FER: variants seen among roughly 807,000 people sequenced by gnomAD.
FER encodes tyrosine-protein kinase Fer.
Under a neutral mutation model 111.0 loss-of-function variants are expected in FER, and 63 were observed. That is an observed-to-expected ratio of 0.57 (90% CI 0.46 to 0.70). The LOEUF is 0.70. FER is among the 30% of genes least tolerant of loss of function. The probability of loss-of-function intolerance (pLI) is 0.00; values close to 1 mark genes in which losing one functional copy is unlikely to be tolerated. For missense variants in FER, 914 were observed against 954.0 expected (o/e 0.96, Z 0.55); for synonymous variants, 327 against 313.9 (o/e 1.04, Z -0.44).
chr5:109,047,266 G>T, intron 16 of FER, 68 bp downstream of exon 16: 3 of 878,690 alleles, frequency 3.4e-6, no homozygotes, highest in Non-Finnish European at 3.6e-6. Context: ...TTATATGTTC[G>T]ATCTCTTTGA....
In FER at chr5:108,819,847, TC is replaced by T. The variant is rs1453017045; in HGVS notation, c.208-12918del. 16 of 985,282 alleles carry T rather than the reference TC, an allele frequency of 1.6e-5. No individual in the cohort carries two copies. The East Asian group carries it at 5.7e-4, about 35-fold the overall frequency. 61.0% of individuals were successfully genotyped at this position (985,282 alleles called of 1,614,324 possible). On this transcript the variant is annotated intron_variant, in intron 3 of 19. Transcript: ENST00000281092. The stretch of plus-strand genomic sequence containing the variant: ...AGTAAGAACTGAGTTTTAATTTTTT[TC>T]CCCCAGAAGTCTATTTGAGGAGTTT...
chr5:108,779,769 A>T (rs2149991437), intron 2 of FER, among the ~76,000 whole-genome samples: 1 of 152,284 alleles, frequency 6.6e-6, no homozygotes, highest in East Asian at 1.9e-4. Context: ...TCCGATCAGT[A>T]CACTTTAAAA....
chr5:108,878,592 C>A (rs1268610171), intron 8 of FER, among the ~76,000 whole-genome samples: 9 of 151,788 alleles, frequency 5.9e-5, no homozygotes, highest in African/African-American at 2.2e-4. Context: ...TAGGTTATTT[C>A]CAGTTTTTTC....
intron 17 of FER, chr5:109,177,450 T>A (rs996035638): frequency 6.6e-6 from 1 of 152,004 alleles, no homozygotes; most frequent in African/African-American, 2.4e-5. Context: ...TTTCTCTAAC[T>A]TTTTTTACAT....
rs1761892233 is a variant in FER at position 108,845,070 on chromosome 5, A to ACT, written c.481+9264_481+9265insTC. Among the ~76,000 whole-genome samples, 8 of 97,682 alleles carry ACT rather than the reference A, an allele frequency of 8.2e-5. No homozygotes were observed. The South Asian group carries it at 2.3e-3, about 28-fold the overall frequency. 64.1% of individuals were successfully genotyped at this position (97,682 alleles called of 152,430 possible). A position where few individuals can be genotyped will look rare whatever the true frequency, so the allele number is the denominator to read the frequency against. ...TATATATATATATATATATATATACACACACACACACACACACACACACAC... is the reference window on the plus strand; with the variant it reads ...TATATATATATATATATATATATACACTCACACACACACACACACACACACAC... On this transcript the variant is annotated intron_variant, in intron 5 of 19. Transcript: ENST00000281092.
At chr5:108,775,367 T>C (rs1050440292) in intron 2 of FER, among the ~76,000 whole-genome samples, 2 of 152,188 alleles carry the variant, frequency 1.3e-5, no homozygotes, top group Non-Finnish European at 2.9e-5. Flanking sequence ...AAGGCAGTAA[T>C]CTAGATTTTA....
At chr5:109,111,394 G>A (rs1056794817) in intron 17 of FER, among the ~76,000 whole-genome samples, 6 of 152,040 alleles carry the variant, frequency 3.9e-5, no homozygotes, top group Non-Finnish European at 2.9e-5. Context: ...TATAAAAAAA[G>A]GCCATTCCCT....
At chr5:108,999,573 A>C (rs1344118285) in intron 13 of FER, among the ~76,000 whole-genome samples, 1 of 152,116 alleles carries the variant, frequency 6.6e-6, no homozygotes, top group Non-Finnish European at 1.5e-5. Flanking sequence ...GTAGAGTACC[A>C]AGAAGAAAGG....
At chr5:108,805,781 G>A (rs925563882) in intron 3 of FER, among the ~76,000 whole-genome samples, 1 of 152,154 alleles carries the variant, frequency 6.6e-6, no homozygotes, top group African/African-American at 2.4e-5. Context: ...TTTCTAAGCA[G>A]CAAAGCACTC....
intron 16 of FER, chr5:109,051,548 C>A (rs1477742527): frequency 6.2e-7 from 1 of 1,611,150 alleles, no homozygotes; most frequent in African/African-American, 1.3e-5. Context: ...TGCTCACTTG[C>A]TTGCTTGTCG....
chr5:108,830,318 G>C (rs115028870), intron 3 of FER, among the ~76,000 whole-genome samples: 2,704 of 152,226 alleles, frequency 0.018, 49 homozygotes, highest in Middle Eastern at 0.055. Context: ...GCTGGGCGTA[G>C]TGGTTCACAC....
intron 5 of FER, among the ~76,000 whole-genome samples, chr5:108,867,230 A>AAAGG (rs1313819478): frequency 6.6e-6 from 1 of 152,144 alleles, no homozygotes; most frequent in East Asian, 1.9e-4. Flanking sequence ...TCATTGAATG[A>AAAGG]AAGGAAGGAA....
At chr5:108,932,701 T>G (rs1754864270) in intron 10 of FER, among the ~76,000 whole-genome samples, 1 of 152,222 alleles carries the variant, frequency 6.6e-6, no homozygotes, top group East Asian at 1.9e-4. Flanking sequence ...TCCTGACTTT[T>G]TAATGATTAC....
At chr5:109,017,371 A>G (rs1767291963) in intron 13 of FER, among the ~76,000 whole-genome samples, 1 of 152,056 alleles carries the variant, frequency 6.6e-6, no homozygotes, top group Admixed American at 6.6e-5. Flanking sequence ...ACAAATACAA[A>G]ACATATTGTT....
At chr5:108,800,510 C>A (rs189189337) in intron 3 of FER, among the ~76,000 whole-genome samples, 326 of 152,218 alleles carry the variant, frequency 2.1e-3, no homozygotes, top group Admixed American at 3.7e-3. Context: ...GCCACCATAA[C>A]TGGCTAATTT....
chr5:108,760,280 G>A (rs1261819896), intron 1 of FER, among the ~76,000 whole-genome samples: 2 of 151,840 alleles, frequency 1.3e-5, no homozygotes, highest in African/African-American at 4.8e-5. Context: ...AGCACAAGCA[G>A]AGTAGATTTA....
At chr5:109,115,465 A>T (rs1473411196) in intron 17 of FER, among the ~76,000 whole-genome samples, 1 of 152,162 alleles carries the variant, frequency 6.6e-6, no homozygotes, top group Non-Finnish European at 1.5e-5. Context: ...TGGAGATAGC[A>T]AAGTAAGTGG....
intron 9 of FER, among the ~76,000 whole-genome samples, chr5:108,893,970 T>G (rs547616107): frequency 1.7e-3 from 240 of 140,062 alleles, no homozygotes; most frequent in South Asian, 8.9e-3. Context: ...GGAAAGAGGT[T>G]TTTTTTTTTT....
chr5:108,968,348 C>G (rs1434104202), intron 13 of FER, among the ~76,000 whole-genome samples: 1 of 152,176 alleles, frequency 6.6e-6, no homozygotes, highest in African/African-American at 2.4e-5. Context: ...GATCATGCCA[C>G]TGCCCTCTAG....
Sources: gnomAD v4.1 joint callset for allele counts (sites outside exome capture counted in the v4.1 genomes callset) on GRCh38, gnomAD v4.1.1 for gene constraint, MANE v1.5 for transcripts, NCBI Gene and HGNC (gene_info 2026-07-23, HGNC 2026-07-21) for gene names.